TOM1: variants seen among roughly 807,000 people sequenced by gnomAD.
TOM1 encodes the protein target of Myb protein 1.
A neutral mutation model predicts 61.3 loss-of-function variants in TOM1; 38 were observed. That is an observed-to-expected ratio of 0.62 (90% CI 0.48 to 0.81). The LOEUF (loss-of-function observed/expected upper bound fraction) is 0.81. TOM1 is among the 40% of genes least tolerant of loss of function. The pLI, the probability that TOM1 is intolerant of heterozygous loss-of-function variation, is 0.00. For missense variants in TOM1, 591 were observed against 659.6 expected, an observed-to-expected ratio of 0.90 and a Z score of 1.14; for synonymous variants, 270 against 268.8, an observed-to-expected ratio of 1.00 and a Z score of -0.04.
In TOM1 at chr22:35,323,668, G is replaced by C; in HGVS notation, c.501+38G>C. The C allele has an allele frequency of 6.2e-7, 1 of 1,613,722 alleles. No homozygotes were observed. Among genetic ancestry groups the C allele is most frequent in the Non-Finnish European group, 8.5e-7 (1 of 1,179,660 alleles). On this transcript the variant is annotated intron_variant, in intron 5 of 14. Coordinates refer to ENST00000449058, the MANE Select transcript of TOM1 (RefSeq NM_005488.3). The surrounding 1 kb of genome is among the most constrained non-coding windows in gnomAD (Gnocchi z 4.2). The stretch of plus-strand genomic sequence containing the variant: ...CCGTACCGGGAACCAAGGGAAGGGA[G>C]GCAGGACTCATCCCCAGAGACATCA...
At chr22:35,346,526 T>TC (rs1290283909) in intron 13 of TOM1, among the ~76,000 whole-genome samples, 1 of 152,224 alleles carries the variant, frequency 6.6e-6, no homozygotes, top group South Asian at 2.1e-4. Flanking sequence ...TGTCAGCCTT[T>TC]CCCCCCCAGG....
At chr22:35,315,970 G>A (rs1373787349) in intron 1 of TOM1, among the ~76,000 whole-genome samples, 4 of 152,194 alleles carry the variant, frequency 2.6e-5, no homozygotes, top group Admixed American at 6.5e-5. Flanking sequence ...CACCCTCCCC[G>A]AGCCGGGGCA....
In TOM1 at chr22:35,347,339, A is replaced by C; in HGVS notation, c.*130A>C. On this transcript the variant is annotated 3_prime_UTR_variant, in exon 15 of 15. Transcript: ENST00000449058. ...GTTACCCCCTTTTCCTCCTCTTTGA[A>C]GACGGAGCTGCCCCAGCTGTGGCTG... The C allele has an allele frequency of 1.0e-6, 1 of 987,714 alleles. No homozygotes were observed. The highest frequency in any genetic ancestry group is 1.4e-6 in the Non-Finnish European group (1 of 694,496). The allele number at this position is 987,714 out of a possible 1,614,324, so 61.2% of individuals were successfully genotyped here. A position where few individuals can be genotyped will look rare whatever the true frequency, so the allele number is the denominator to read the frequency against.
chr22:35,328,070 C>T (rs144230385), intron 7 of TOM1, among the ~76,000 whole-genome samples: 1 of 152,194 alleles, frequency 6.6e-6, no homozygotes, highest in Non-Finnish European at 1.5e-5. Context: ...TGTAACTGTT[C>T]GAGTTCCTAC....
At chr22:35,324,529 A>G (rs1324931565) in intron 6 of TOM1, among the ~76,000 whole-genome samples, 1 of 151,766 alleles carries the variant, frequency 6.6e-6, no homozygotes, top group East Asian at 1.9e-4. Context: ...GCTGCTTCCC[A>G]TGAAGTCTCA....
chr22:35,303,052 A>T (rs377904), intron 1 of TOM1, among the ~76,000 whole-genome samples: 9 of 151,676 alleles, frequency 5.9e-5, no homozygotes, highest in Admixed American at 2.0e-4. Context: ...GACATCCCTC[A>T]GATGGTGATT....
chr22:35,319,999 G>C (rs1927630895), intron 2 of TOM1, among the ~76,000 whole-genome samples: 1 of 152,230 alleles, frequency 6.6e-6, no homozygotes, highest in African/African-American at 2.4e-5. Flanking sequence ...GTCCTGGATG[G>C]GGTCAGCACT....
rs1320870636 is a variant in TOM1, at chr22:35,338,727, C to T, written c.1163C>T (p.Ala388Val). Residue 388 changes from alanine to valine, a missense_variant, in exon 12 of 15, where the codon GCC (alanine) becomes GTC (valine). Physicochemically the swap from Ala to Val is moderately conservative, Grantham distance 64. Transcript: ENST00000449058. ...CTCTCTTTCAGGGTAAAATACGAAG[C>T]CCCCCAAGCAACAGACGGCCTGGCT... ...ADQRKEVKYE[A>V]PQATDGLAGA... 3 of 1,592,352 alleles carry T rather than the reference C, an allele frequency of 1.9e-6. No homozygotes were observed. The highest frequency in any genetic ancestry group is 2.3e-5 in the East Asian group (1 of 43,786).
At chr22:35,311,929 T>C (rs1248243952) in intron 1 of TOM1, among the ~76,000 whole-genome samples, 1 of 152,124 alleles carries the variant, frequency 6.6e-6, no homozygotes, top group East Asian at 1.9e-4. Context: ...GAGGCACCAC[T>C]GAGGAGCCAA....
At chr22:35,330,594 A>C in intron 8 of TOM1, 114 bp downstream of exon 8, 3 of 1,104,750 alleles carry the variant, frequency 2.7e-6, no homozygotes, top group Non-Finnish European at 3.8e-6. Flanking sequence ...CTCCTCTCAA[A>C]CACAAGGCAG....
At chr22:35,328,054 G>A (rs1025583944) in intron 7 of TOM1, among the ~76,000 whole-genome samples, 7 of 152,218 alleles carry the variant, frequency 4.6e-5, no homozygotes, top group Admixed American at 1.3e-4. Context: ...GAGACAGAGC[G>A]CTTCGTGTAA....
intron 1 of TOM1, among the ~76,000 whole-genome samples, chr22:35,308,635 AC>A (rs1389505597): frequency 6.6e-6 from 1 of 151,986 alleles, no homozygotes; most frequent in Non-Finnish European, 1.5e-5. Context: ...TCCACCCCTG[AC>A]CATCCAGATT....
At chr22:35,314,857 G>T (rs1462967458) in intron 1 of TOM1, among the ~76,000 whole-genome samples, 2 of 152,174 alleles carry the variant, frequency 1.3e-5, no homozygotes, top group Non-Finnish European at 2.9e-5. Flanking sequence ...GCAAGTTGGT[G>T]ATCTCTCTGT....
rs1185792259 is a variant in TOM1 at position 35,323,519 on chromosome 22, C to T, written c.390C>T (p.Ser130=). 1 of 1,614,196 alleles carries T rather than the reference C, an allele frequency of 6.2e-7. No individual in the cohort carries two copies. The highest frequency in any genetic ancestry group is 1.3e-5 in the African/African-American group (1 of 75,054). The change falls in exon 5 of 15, where the codon AGC becomes AGT. Residue 130 remains serine (S), a synonymous_variant. Transcript: ENST00000449058. The surrounding 1 kb of genome is among the most constrained non-coding windows in gnomAD (Gnocchi z 4.2). ...LIQSWADAFR[S]SPDLTGVVTI... Reference sequence around the variant, plus strand: ...AGTCCTGGGCTGACGCGTTCCGCAGCTCGCCCGATCTGACAGGTGTGGTCA... The same window carrying T: ...AGTCCTGGGCTGACGCGTTCCGCAGTTCGCCCGATCTGACAGGTGTGGTCA...
chr22:35,340,111 C>T (rs1187356202), intron 12 of TOM1, among the ~76,000 whole-genome samples: 2 of 152,182 alleles, frequency 1.3e-5, no homozygotes, highest in Non-Finnish European at 2.9e-5. Context: ...GCTTTTCAGG[C>T]AGTGTGAGAA....
intron 2 of TOM1, among the ~76,000 whole-genome samples, chr22:35,320,478 G>GACCTCCCCC (rs1927673886): frequency 6.6e-6 from 1 of 151,734 alleles, no homozygotes. Flanking sequence ...AGCCCTCCCC[G>GACCTCCCCC]ACCTCCCCCA....
chr22:35,305,766 T>C (rs1241595308), intron 1 of TOM1, among the ~76,000 whole-genome samples: 1 of 152,018 alleles, frequency 6.6e-6, no homozygotes, highest in African/African-American at 2.4e-5. Flanking sequence ...TCGGTTTCAG[T>C]ATAAATAGCT....
intron 12 of TOM1, chr22:35,344,220 A>G (rs1196797002): frequency 1.3e-5 from 2 of 152,242 alleles, no homozygotes; most frequent in Non-Finnish European, 2.9e-5. Context: ...GGCTGCGGGA[A>G]AAGCCTCAGT....
chr22:35,340,183 G>A (rs886237135), intron 12 of TOM1, among the ~76,000 whole-genome samples: 4 of 152,232 alleles, frequency 2.6e-5, no homozygotes, highest in Non-Finnish European at 5.9e-5. Context: ...GAAACAGCCG[G>A]ACCTGGGAGT....
Sources: gnomAD v4.1 joint callset for allele counts (sites outside exome capture counted in the v4.1 genomes callset) on GRCh38, gnomAD v4.1.1 for gene constraint, Gnocchi (gnomAD v3.1) non-coding constraint, MANE v1.5 for transcripts, NCBI Gene and HGNC (gene_info 2026-07-23, HGNC 2026-07-21) for gene names.